The following ST14 variants were observed in gnomAD, a reference collection of about 807,000 sequenced individuals.
The protein encoded by ST14 is suppressor of tumorigenicity 14 protein.
A neutral mutation model predicts 96.5 loss-of-function variants in ST14; 40 were observed. The ratio of observed to expected loss-of-function variants is 0.41; its 90% CI spans 0.32 to 0.54. The LOEUF (loss-of-function observed/expected upper bound fraction) is 0.54. Ranked by LOEUF, ST14 falls within the 20% of genes least tolerant of loss-of-function variation. The pLI, the probability that ST14 is intolerant of heterozygous loss-of-function variation, is 0.17. For synonymous variants in ST14, 506 were observed against 492.1 expected (o/e 1.03, Z -0.37); for missense variants, 1,066 against 1,188.9 (o/e 0.90, Z 1.52).
At position 130,181,117 on chromosome 11, in the gene ST14, T is replaced by TGTCCCTGCTGGGTGGGATGGCGGTG. The variant is rs574806307; in HGVS notation, c.82-6976_82-6952dup. Among the ~76,000 whole-genome samples the TGTCCCTGCTGGGTGGGATGGCGGTG allele has an allele frequency of 2.0e-5, 3 of 151,114 alleles. No individual in the cohort carries two copies. The South Asian group carries it at 6.3e-4, about 32-fold the overall frequency. On this transcript the variant is annotated intron_variant, in intron 1 of 18. Transcript: ENST00000278742. This position sits in a 1 kb window ranked among gnomAD's most constrained non-coding sequence, Gnocchi z 4.1. Reference sequence around the variant, plus strand: ...GGATGGGATGGCGGTGGTCTGATTTTGTCCCTGCTGGGTGGGATGGCGGTG... The same window carrying TGTCCCTGCTGGGTGGGATGGCGGTG: ...GGATGGGATGGCGGTGGTCTGATTTTGTCCCTGCTGGGTGGGATGGCGGTGGTCCCTGCTGGGTGGGATGGCGGTG...
chr11:130,174,125 C>T (rs1953116412), intron 1 of ST14, among the ~76,000 whole-genome samples: 1 of 152,184 alleles, frequency 6.6e-6, no homozygotes, highest in Non-Finnish European at 1.5e-5. Flanking sequence ...CGGACAGACC[C>T]ACAGCAGCAG....
rs1591890154 is a variant in ST14, at chr11:130,194,247, C to T, written c.974C>T (p.Pro325Leu). 6.2e-7 allele frequency: 1 copy of T among 1,614,252 alleles called. No homozygotes were observed. Residue 325 changes from proline to leucine, a missense_variant, in exon 8 of 19, where the codon CCC becomes CTC. Transcript: ENST00000278742. ...ATAACCAACACTGAGCGGCGGCATC[C>T]CGGCTTTGAGGCCACCTTCTTCCAG... ...TLITNTERRH[P>L]GFEATFFQLP...
chr11:130,174,851 C>G (rs1407071253), intron 1 of ST14, among the ~76,000 whole-genome samples: 6 of 152,212 alleles, frequency 3.9e-5, no homozygotes, highest in African/African-American at 1.4e-4. Flanking sequence ...AACCAGCCAG[C>G]CTAGCCCAGC....
At chr11:130,160,146 T>A in intron 1 of ST14, 86 bp downstream of exon 1, 2 of 956,582 alleles carry the variant, frequency 2.1e-6, no homozygotes, top group Non-Finnish European at 2.8e-6. Context: ...CCGGCTCCCC[T>A]GGCGTGTCCG....
Position 130,208,655 on chromosome 11 carries a change from T to C in ST14, c.2240T>C (p.Val747Ala). 1.9e-6 allele frequency: 3 copies of C among 1,613,822 alleles called. No individual in the cohort carries two copies. Among genetic ancestry groups the C allele is most frequent in the Non-Finnish European group, 2.5e-6 (3 of 1,179,916 alleles). Reference protein sequence around the residue: ...HVFPAGKAIWVTGWGHTQYGG... With the variant: ...HVFPAGKAIWATGWGHTQYGG... Reference sequence around the variant, plus strand: ...TTCCCTGCCGGCAAGGCCATCTGGGTCACGGGCTGGGGACACACCCAGTAT... The same window carrying C: ...TTCCCTGCCGGCAAGGCCATCTGGGCCACGGGCTGGGGACACACCCAGTAT... The change falls in exon 17 of 19, where the codon GTC (valine) becomes GCC (alanine). Residue 747 changes from valine to alanine, a missense_variant. By Grantham distance (64) the Val-to-Ala change is moderately conservative (BLOSUM62 0). Transcript: ENST00000278742.
intron 1 of ST14, among the ~76,000 whole-genome samples, chr11:130,180,704 T>C (rs577725282): frequency 6.6e-6 from 1 of 152,370 alleles, no homozygotes; most frequent in South Asian, 2.1e-4. Flanking sequence ...CAGAGTTTTG[T>C]TGGCTCAGCA....
chr11:130,188,675 A>G lies in ST14; in HGVS notation c.369+18A>G. 6.2e-7 allele frequency: 1 copy of G among 1,614,124 alleles called. No individual in the cohort carries two copies. The highest frequency in any genetic ancestry group is 1.1e-5 in the South Asian group (1 of 91,086). The stretch of plus-strand genomic sequence containing the variant: ...AGGACGCGGTGAGTGCAGCCTGCCC[A>G]GAGTCCTGCTGGGCTGTGTGCGCTG... On this transcript the variant is annotated intron_variant, in intron 3 of 18. Transcript: ENST00000278742. This position sits in a 1 kb window ranked among gnomAD's most constrained non-coding sequence, Gnocchi z 5.4.
chr11:130,172,905 C>T (rs1007125923), intron 1 of ST14, among the ~76,000 whole-genome samples: 3 of 152,122 alleles, frequency 2.0e-5, no homozygotes, highest in African/African-American at 2.4e-5. Context: ...GTGCTGTGTA[C>T]GAGCCTCACG....
Position 130,194,681 on chromosome 11 carries a change from A to ATGTT in ST14, c.1057_1058insTGTT (p.Ser353MetfsTer14). ...ACGTAAAGCCCAGGGGACATTCAAC[A>ATGTT]GCCCCTACTACCCAGGCCACTACCC... On this transcript the variant is annotated frameshift_variant, in exon 9 of 19. Coordinates refer to ENST00000278742, the MANE Select transcript of ST14 (RefSeq NM_021978.4). LOFTEE classifies it high-confidence loss of function. 1 of 1,614,176 alleles carries ATGTT rather than the reference A, an allele frequency of 6.2e-7. No homozygotes were observed.
chr11:130,203,860 G>T (rs989497057), intron 16 of ST14, among the ~76,000 whole-genome samples: 2 of 152,158 alleles, frequency 1.3e-5, no homozygotes, highest in African/African-American at 4.8e-5. Context: ...CACCATGTTA[G>T]CCAGGCTGGT....
In ST14 at chr11:130,194,712, A is replaced by G; in HGVS notation, c.1088A>G (p.Asn363Ser). 6.2e-7 allele frequency: 1 copy of G among 1,614,132 alleles called. No homozygotes were observed. The highest frequency in any genetic ancestry group is 8.5e-7 in the Non-Finnish European group (1 of 1,180,022). ...TACTACCCAGGCCACTACCCACCCA[A>G]CATTGACTGCACATGGAACATTGAG... The part of the protein sequence containing the change: ...SPYYPGHYPP[N>S]IDCTWNIEVP... Residue 363 changes from asparagine to serine, a missense_variant, in exon 9 of 19, where the codon AAC (asparagine) becomes AGC (serine). Coordinates refer to ENST00000278742, the MANE Select transcript of ST14 (RefSeq NM_021978.4).
At chr11:130,165,342 A>G (rs1220793545) in intron 1 of ST14, among the ~76,000 whole-genome samples, 1 of 152,224 alleles carries the variant, frequency 6.6e-6, no homozygotes, top group East Asian at 1.9e-4. Flanking sequence ...GTAGGATGGG[A>G]ATAGAAACTT....
chr11:130,165,107 G>T (rs1484993156), intron 1 of ST14, among the ~76,000 whole-genome samples: 1 of 152,156 alleles, frequency 6.6e-6, no homozygotes, highest in African/African-American at 2.4e-5. Context: ...ACTTGCCTGA[G>T]GTCGCAGAGC....
Position 130,197,960 on chromosome 11 carries a change from G to A in ST14, c.1459+15G>A, listed in dbSNP as rs558228269. The A allele has an allele frequency of 1.9e-6, 3 of 1,561,584 alleles. No individual in the cohort carries two copies. The highest frequency in any genetic ancestry group is 2.7e-5 in the African/African-American group (2 of 73,898). On this transcript the variant is annotated intron_variant, in intron 12 of 18. Coordinates refer to ENST00000278742, the MANE Select transcript of ST14 (RefSeq NM_021978.4). ...GCTCAACTGCAGTGAGTCAGGCTGG[G>A]AGCCCCGGTCTCCCCACCCTCCTTC...
At chr11:130,168,811 AG>A (rs1295941658) in intron 1 of ST14, among the ~76,000 whole-genome samples, 1 of 152,086 alleles carries the variant, frequency 6.6e-6, no homozygotes, top group Non-Finnish European at 1.5e-5. Flanking sequence ...TCCCCAAAAC[AG>A]GTGCTCAGAT....
chr11:130,209,364 A>G (rs1254350317), intron 17 of ST14, 78 bp from the exon 18 acceptor site: 18 of 1,538,124 alleles, frequency 1.2e-5, no homozygotes, highest in East Asian at 2.4e-5. Context: ...TTCTAGTCCA[A>G]TGACCCGTGG....
At chr11:130,194,021 G>A in intron 7 of ST14, 128 bp from the exon 8 acceptor site, 1 of 1,190,146 alleles carries the variant, frequency 8.4e-7, no homozygotes, top group Non-Finnish European at 1.2e-6. Flanking sequence ...CTCCATTCTT[G>A]GCCTCTGTGG....
At chr11:130,164,936 C>T (rs1172931696) in intron 1 of ST14, among the ~76,000 whole-genome samples, 1 of 151,564 alleles carries the variant, frequency 6.6e-6, no homozygotes, top group African/African-American at 2.4e-5. Context: ...GGGGTTTCTC[C>T]ATGTTGGTCA....
At chr11:130,175,708 G>C (rs1001743625) in intron 1 of ST14, among the ~76,000 whole-genome samples, 3 of 151,012 alleles carry the variant, frequency 2.0e-5, no homozygotes, top group African/African-American at 7.3e-5. Flanking sequence ...TTCTTGCCCA[G>C]GCTGGAGTGC....
Sources: allele counts gnomAD v4.1 joint callset (sites outside exome capture counted in the v4.1 genomes callset), GRCh38; gene constraint gnomAD v4.1.1; non-coding constraint Gnocchi (gnomAD v3.1); transcripts MANE v1.5; gene names NCBI Gene and HGNC (gene_info 2026-07-23, HGNC 2026-07-21).